The following CEP350 variants were observed in gnomAD, a reference collection of about 807,000 sequenced individuals.
The protein encoded by CEP350 is centrosomal protein 350, also known as centrosome-associated protein 350.
In CEP350, 126 loss-of-function variants were observed where a neutral mutation model predicts 331.8. That is an observed-to-expected ratio of 0.38 (90% CI 0.33 to 0.44). The LOEUF (loss-of-function observed/expected upper bound fraction) is 0.44. CEP350 is among the 20% of genes least tolerant of loss of function. The pLI, the probability that CEP350 is intolerant of heterozygous loss-of-function variation, is 1.00. For missense variants in CEP350, 3,406 were observed against 3,634.6 expected, an observed-to-expected ratio of 0.94 and a Z score of 1.62; for synonymous variants, 1,200 against 1,259.5, an observed-to-expected ratio of 0.95 and a Z score of 1.00.
At position 180,053,767 on chromosome 1, in the gene CEP350, C is replaced by T. The variant is rs1462770267; in HGVS notation, c.5007C>T (p.Phe1669=). Reference sequence around the variant, plus strand: ...TACTTTAGGAACTGAACATGCCATTCTCAGGAGGACAAGATAGCTTTTCTA... The same window carrying T: ...TACTTTAGGAACTGAACATGCCATTTTCAGGAGGACAAGATAGCTTTTCTA... The part of the protein sequence containing the change: ...LSTAKELNMP[F]SGGQDSFSKF... Residue 1669 remains phenylalanine, a synonymous_variant, in exon 24 of 38, where the codon TTC becomes TTT. Transcript: ENST00000367607. 4 of 1,589,420 alleles carry T rather than the reference C, an allele frequency of 2.5e-6. No homozygotes were observed. In the African/African-American group the frequency reaches 5.4e-5, roughly 21 times the overall value.
Position 180,114,619 on chromosome 1 carries a change from G to C in CEP350, c.*3458G>C, listed in dbSNP as rs931778533. The stretch of plus-strand genomic sequence containing the variant: ...ATTCTCTGGGAGGTTCAGCCTCCTT[G>C]TGTGTACTGTACTGTGCAGACATGA... On this transcript the variant is annotated 3_prime_UTR_variant, in exon 38 of 38. Coordinates refer to ENST00000367607, the MANE Select transcript of CEP350 (RefSeq NM_014810.5). 5.2e-5 allele frequency: 8 copies of C among 152,606 alleles called. No individual in the cohort carries two copies. The highest frequency in any genetic ancestry group is 5.2e-4 in the Admixed American group (8 of 15,280). 9.5% of individuals were successfully genotyped at this position (152,606 alleles called of 1,614,324 possible). A position where few individuals can be genotyped will look rare whatever the true frequency, so the allele number is the denominator to read the frequency against.
At chr1:180,003,066 AAG>A (rs1484841723) in intron 6 of CEP350, 106 bp from the exon 7 acceptor site, 12 of 688,764 alleles carry the variant, frequency 1.7e-5, no homozygotes, top group East Asian at 1.7e-4. Flanking sequence ...GTAACACTAA[AAG>A]AGTGAATTTT....
intron 1 of CEP350, among the ~76,000 whole-genome samples, chr1:179,958,249 C>T (rs878934502): frequency 1.3e-5 from 2 of 152,014 alleles, no homozygotes; most frequent in Admixed American, 1.3e-4. Flanking sequence ...ACCATTGGAG[C>T]AACCTTCTGG....
At chr1:180,043,791 TGTGTG>T in intron 20 of CEP350, among the ~76,000 whole-genome samples, 1 of 127,956 alleles carries the variant, frequency 7.8e-6, no homozygotes, top group Non-Finnish European at 1.9e-5. Context: ...TGTGTGTGTG[TGTGTG>T]TGTGTGTGTT....
chr1:180,022,784 G>A lies in CEP350; in HGVS notation c.3322G>A (p.Asp1108Asn). 6.2e-7 allele frequency: 1 copy of A among 1,606,748 alleles called. No homozygotes were observed. The highest frequency in any genetic ancestry group is 8.5e-7 in the Non-Finnish European group (1 of 1,176,062). Residue 1108 changes from aspartate to asparagine, a missense_variant, in exon 13 of 38, where the codon GAT becomes AAT. Coordinates refer to ENST00000367607, the MANE Select transcript of CEP350 (RefSeq NM_014810.5). ...TCCTCTAAGTGGTGTTTCATATGAA[G>A]ATGATTTTGTCTCCTCTCCAGGGAC... ...ATPLSGVSYE[D>N]DFVSSPGTGT...
At chr1:180,075,272 G>C in intron 28 of CEP350, 51 bp downstream of exon 28, 1 of 1,488,948 alleles carries the variant, frequency 6.7e-7, no homozygotes, top group South Asian at 1.3e-5. Flanking sequence ...TAACATAATT[G>C]AAAGATATAT....
chr1:180,110,961 AG>A, intron 37 of CEP350, 35 bp from the exon 38 acceptor site: 11 of 1,576,896 alleles, frequency 7.0e-6, no homozygotes, highest in Non-Finnish European at 9.6e-6. Context: ...TTTGTATGAC[AG>A]GAATTTTCTA....
chr1:180,068,865 G>A (rs1416832970), intron 27 of CEP350, among the ~76,000 whole-genome samples: 1 of 152,178 alleles, frequency 6.6e-6, no homozygotes, highest in African/African-American at 2.4e-5. Context: ...GCTTCACATA[G>A]AGAAGTATAT....
Position 180,093,972 on chromosome 1 carries a change from A to G in CEP350, c.7867A>G (p.Ile2623Val), listed in dbSNP as rs1258063106. The change falls in exon 34 of 38, where the codon ATA (isoleucine) becomes GTA (valine). Residue 2623 changes from isoleucine to valine, a missense_variant. Transcript: ENST00000367607. The part of the protein sequence containing the change: ...YEKSLPSVND[I>V]EASVNRSRSL... ...GAAATCCCTACCTAGTGTGAATGAT[A>G]TAGAAGCCTCAGTTAATAGAAGTAG... 6.2e-6 allele frequency: 10 copies of G among 1,613,906 alleles called. No individual in the cohort carries two copies. The highest frequency in any genetic ancestry group is 8.5e-6 in the Non-Finnish European group (10 of 1,179,834).
Position 179,992,048 on chromosome 1 carries a change from T to G in CEP350, c.236-14T>G, listed in dbSNP as rs199569775. On this transcript the variant is annotated splice_polypyrimidine_tract_variant and intron_variant, in intron 4 of 37. Coordinates refer to ENST00000367607, the MANE Select transcript of CEP350 (RefSeq NM_014810.5). ...TTTATATTATATGTTCTCACAGATT[T>G]CCTTTTCCTTCAGATGGTAGATACC... 1.3e-4 allele frequency: 190 copies of G among 1,515,596 alleles called. No individual in the cohort carries two copies. Among genetic ancestry groups the G allele is most frequent in the Middle Eastern group, 3.4e-4 (2 of 5,896 alleles). The allele number at this position is 1,515,596 out of a possible 1,614,324, so 93.9% of individuals were successfully genotyped here. A position where few individuals can be genotyped will look rare whatever the true frequency, so the allele number is the denominator to read the frequency against.
intron 25 of CEP350, among the ~76,000 whole-genome samples, chr1:180,061,962 G>C (rs1315506529): frequency 1.3e-5 from 2 of 151,984 alleles, no homozygotes; most frequent in Non-Finnish European, 2.9e-5. Context: ...TATATGTTAT[G>C]TTTTAAAATG....
intron 32 of CEP350, among the ~76,000 whole-genome samples, chr1:180,089,569 C>G: frequency 7.4e-6 from 1 of 135,772 alleles, no homozygotes; most frequent in South Asian, 2.3e-4. Context: ...GGCAACAGAG[C>G]AAGACTCCAT....
At chr1:180,109,585 C>G (rs767660627) in intron 37 of CEP350, among the ~76,000 whole-genome samples, 1 of 152,108 alleles carries the variant, frequency 6.6e-6, no homozygotes, top group Non-Finnish European at 1.5e-5. Context: ...TATCTGGCCT[C>G]CATCCCATTC....
At chr1:180,042,683 T>C (rs1014903565) in intron 19 of CEP350, among the ~76,000 whole-genome samples, 1 of 152,222 alleles carries the variant, frequency 6.6e-6, no homozygotes, top group African/African-American at 2.4e-5. Flanking sequence ...TGGTTAAGAA[T>C]AGGGAAAATG....
intron 5 of CEP350, among the ~76,000 whole-genome samples, chr1:179,993,304 T>C (rs1328163254): frequency 6.6e-6 from 1 of 152,184 alleles, no homozygotes; most frequent in Non-Finnish European, 1.5e-5. Flanking sequence ...CACACAGATA[T>C]TAAGCAGCTT....
chr1:179,979,589 C>G (rs1342738670), intron 1 of CEP350, among the ~76,000 whole-genome samples: 1 of 151,808 alleles, frequency 6.6e-6, no homozygotes, highest in Non-Finnish European at 1.5e-5. Context: ...GTTGCTTGTG[C>G]TTTTGGGGGT....
At position 180,075,077 on chromosome 1, in the gene CEP350, C is replaced by G. The variant is rs1659135412; in HGVS notation, c.5623C>G (p.Leu1875Val). The change falls in exon 28 of 38, where the codon CTC (leucine) becomes GTC (valine). Residue 1875 changes from leucine to valine, a missense_variant. Transcript: ENST00000367607. ...GCAACGGCGACAACATGCAGAGGAG[C>G]TCCTAGAGTGGAAGCGACGTTTAGA... is the stretch of plus-strand genomic sequence containing the variant. ...LMQRRQHAEE[L>V]LEWKRRLDAE... is the part of the protein sequence containing the mutation. 1 of 1,613,094 alleles carries G rather than the reference C, an allele frequency of 6.2e-7. No homozygotes were observed. Among genetic ancestry groups the G allele is most frequent in the Admixed American group, 1.7e-5 (1 of 59,858 alleles).
At chr1:180,004,882 GCTTGCTTGCTTGCTTGCTTGCTTGCTTT>G (rs1320242043) in intron 7 of CEP350, among the ~76,000 whole-genome samples, 16 of 69,928 alleles carry the variant, frequency 2.3e-4, no homozygotes, top group Non-Finnish European at 2.8e-4. Flanking sequence ...TGGCTTGCTT[GCTTGCTTGCTTGCTTGCTTGCTTGCTTT>G]CTTTCTTTCT....
chr1:179,969,022 C>T, intron 1 of CEP350: 1 of 751,478 alleles, frequency 1.3e-6, no homozygotes, highest in Non-Finnish European at 2.4e-6. Context: ...GGTGGTTTGA[C>T]CACCAGCCTC....
Sources: allele counts gnomAD v4.1 joint callset (sites outside exome capture counted in the v4.1 genomes callset), GRCh38; gene constraint gnomAD v4.1.1; transcripts MANE v1.5; gene names NCBI Gene and HGNC (gene_info 2026-07-23, HGNC 2026-07-21).